The following ZNF681 variants were observed in gnomAD, a reference collection of about 807,000 sequenced individuals.
ZNF681 encodes the protein hypothetical protein FLJ31526.
Under a neutral mutation model 56.0 loss-of-function variants are expected in ZNF681, and 37 were observed. The ratio of observed to expected loss-of-function variants is 0.66; its 90% CI spans 0.51 to 0.87. ZNF681 has a LOEUF of 0.87. ZNF681 is among the 40% of genes least tolerant of loss of function. The pLI is 0.00. For synonymous variants in ZNF681, 225 were observed against 248.6 expected (o/e 0.91, Z 0.89); for missense variants, 741 against 744.9 (o/e 0.99, Z 0.06).
chr19:23,745,469 CT>C, intron 3 of ZNF681, 146 bp from the exon 4 acceptor site: 1 of 531,554 alleles, frequency 1.9e-6, no homozygotes, highest in Non-Finnish European at 2.8e-6. Context: ...TTTTTTTTTC[CT>C]GAGACGGAGT....
In ZNF681 at chr19:23,742,090, A is replaced by G. The variant is rs191702256; in HGVS notation, c.*1522T>C. ...GGGATAAGTTAAATTTAATGGCATAATAATGCTTCATTGAATGCACGATGG... is the reference window on the plus strand; with the variant it reads ...GGGATAAGTTAAATTTAATGGCATAGTAATGCTTCATTGAATGCACGATGG... On this transcript the variant is annotated 3_prime_UTR_variant, in exon 4 of 4. Coordinates refer to ENST00000402377, the MANE Select transcript of ZNF681 (RefSeq NM_138286.3). 2.6e-5 allele frequency: 4 copies of G among 152,312 alleles called. No homozygotes were observed. The highest frequency in any genetic ancestry group is 2.0e-4 in the Admixed American group (3 of 15,302). 9.4% of individuals were successfully genotyped at this position (152,312 alleles called of 1,614,324 possible). A position where few individuals can be genotyped will look rare whatever the true frequency, so the allele number is the denominator to read the frequency against.
In ZNF681 at chr19:23,743,570, A is replaced by C; in HGVS notation, c.*42T>G. The C allele has an allele frequency of 7.0e-7, 1 of 1,436,460 alleles. No individual in the cohort carries two copies. The allele number at this position is 1,436,460 out of a possible 1,614,324, so 89.0% of individuals were successfully genotyped here. ...GTATGAATTATCTTATGCACAATCA[A>C]GTGTGACAACTTTTAAAGGTTTTGT... On this transcript the variant is annotated 3_prime_UTR_variant, in exon 4 of 4. Transcript: ENST00000402377.
Position 23,758,858 on chromosome 19 carries a change from G to C in ZNF681, c.-109C>G. 1 of 1,490,346 alleles carries C rather than the reference G, an allele frequency of 6.7e-7. No individual in the cohort carries two copies. The allele number at this position is 1,490,346 out of a possible 1,614,324, so 92.3% of individuals were successfully genotyped here. ...GAAGAAGAGGACACAGAGCAGTGAA[G>C]ACGAGACCCGGAGCTCGGGCTGAAG... On this transcript the variant is annotated 5_prime_UTR_variant, in exon 1 of 4. Coordinates refer to ENST00000402377, the MANE Select transcript of ZNF681 (RefSeq NM_138286.3).
At chr19:23,757,681 G>A (rs925269070) in intron 1 of ZNF681, among the ~76,000 whole-genome samples, 1 of 151,986 alleles carries the variant, frequency 6.6e-6, no homozygotes, top group African/African-American at 2.4e-5. Flanking sequence ...CCAAAACTCC[G>A]ATCTCCAAAA....
intron 3 of ZNF681, among the ~76,000 whole-genome samples, chr19:23,750,696 G>C (rs1745692808): frequency 6.6e-6 from 1 of 150,832 alleles, no homozygotes; most frequent in Non-Finnish European, 1.5e-5. Flanking sequence ...ACTAAAATTA[G>C]CCAGGCCTGG....
At chr19:23,746,912 C>T (rs1030584721) in intron 3 of ZNF681, among the ~76,000 whole-genome samples, 1 of 152,078 alleles carries the variant, frequency 6.6e-6, no homozygotes, top group Admixed American at 6.6e-5. Flanking sequence ...TCTCTTGGGG[C>T]CAGAAGTTTG....
intron 3 of ZNF681, among the ~76,000 whole-genome samples, chr19:23,748,563 A>G (rs6511515): frequency 0.98 from 149,008 of 152,274 alleles, 73,000 homozygotes; most frequent in Middle Eastern, 1. Flanking sequence ...CACGGCCCTT[A>G]TTCACTAGAA....
At chr19:23,758,633 G>A (rs1969162981) in intron 1 of ZNF681, 114 bp downstream of exon 1, 12 of 1,540,578 alleles carry the variant, frequency 7.8e-6, no homozygotes, top group Non-Finnish European at 9.0e-7. Flanking sequence ...AGTGGACTGA[G>A]GCCGCCTGGG....
At chr19:23,747,571 C>T (rs1030006436) in intron 3 of ZNF681, among the ~76,000 whole-genome samples, 2 of 137,820 alleles carry the variant, frequency 1.5e-5, no homozygotes, top group African/African-American at 2.7e-5. Flanking sequence ...ACCTGGGAGG[C>T]GGAGCTTGCA....
At chr19:23,748,131 G>GA (rs1474217505) in intron 3 of ZNF681, among the ~76,000 whole-genome samples, 1 of 151,854 alleles carries the variant, frequency 6.6e-6, no homozygotes, top group Non-Finnish European at 1.5e-5. Context: ...GAGCATCAAA[G>GA]AAAAAAGTAA....
chr19:23,740,335 G>C lies in ZNF681; in HGVS notation c.*3277C>G, dbSNP rs559595934. On this transcript the variant is annotated 3_prime_UTR_variant, in exon 4 of 4. Transcript: ENST00000402377. The stretch of plus-strand genomic sequence containing the variant: ...TGTAGCCACAGCACAGCAAAAAGGA[G>C]GGCTGTGATGCATACACAGCTGAAA... 6.6e-6 allele frequency: 1 copy of C among 152,088 alleles called. No individual in the cohort carries two copies. The allele number at this position is 152,088 out of a possible 1,614,324, so 9.4% of individuals were successfully genotyped here.
chr19:23,745,448 A>ATT, intron 3 of ZNF681, 125 bp from the exon 4 acceptor site: 1 of 705,978 alleles, frequency 1.4e-6, no homozygotes, highest in Non-Finnish European at 2.0e-6. Context: ...CAAAGGCCCT[A>ATT]ATTTTTTTTT....
chr19:23,756,647 T>G (rs980450263), intron 1 of ZNF681, among the ~76,000 whole-genome samples: 1 of 150,214 alleles, frequency 6.7e-6, no homozygotes, highest in Non-Finnish European at 1.5e-5. Context: ...AGTCGGGGGG[T>G]GGAGGGACAA....
In ZNF681 at chr19:23,741,416, G is replaced by T. The variant is rs1257948262; in HGVS notation, c.*2196C>A. The T allele has an allele frequency of 1.3e-5, 2 of 152,072 alleles. No individual in the cohort carries two copies. The highest frequency in any genetic ancestry group is 4.8e-5 in the African/African-American group (2 of 41,398). The allele number at this position is 152,072 out of a possible 1,614,324, so 9.4% of individuals were successfully genotyped here. ...GCCAACAACAATTTAATGTACATTT[G>T]AAAACAACTAAAAGTGGCTGGGTGT... On this transcript the variant is annotated 3_prime_UTR_variant, in exon 4 of 4. Coordinates refer to ENST00000402377, the MANE Select transcript of ZNF681 (RefSeq NM_138286.3).
Position 23,744,249 on chromosome 19 carries a change from G to T in ZNF681, c.1301C>A (p.Ser434Tyr), listed in dbSNP as rs1391441038. ...CEKCGKASNQ[S>Y]SNLTEHKNIH... The stretch of plus-strand genomic sequence containing the variant: ...ATTCTTATGTTCAGTAAGGTTTGAG[G>T]ATTGGTTAGAAGCTTTGCCACATTT... Residue 434 changes from serine (S) to tyrosine (Y), a missense_variant, in exon 4 of 4, where the codon TCC (serine) becomes TAC (tyrosine). By Grantham distance (144) the Ser-to-Tyr change is moderately radical. Transcript: ENST00000402377. The T allele has an allele frequency of 6.2e-7, 1 of 1,613,562 alleles. No homozygotes were observed. Among genetic ancestry groups the T allele is most frequent in the African/African-American group, 1.3e-5 (1 of 74,962 alleles).
In ZNF681 at chr19:23,744,629, C is replaced by G; in HGVS notation, c.921G>C (p.Glu307Asp). 2 of 1,595,478 alleles carry G rather than the reference C, an allele frequency of 1.3e-6. No individual in the cohort carries two copies. Among genetic ancestry groups the G allele is most frequent in the Non-Finnish European group, 1.7e-6 (2 of 1,167,058 alleles). The change falls in exon 4 of 4, where the codon GAG (glutamate) becomes GAC (aspartate). Residue 307 changes from glutamate to aspartate, a missense_variant. Physicochemically the swap from Glu to Asp is conservative, Grantham distance 45. Transcript: ENST00000402377. ...LTTHKIIHTR[E>D]KLNEYKECGK... ...CACATTCCTTATATTCATTGAGTTT[C>G]TCTCTGGTATGAATTATCTTATGTG...
chr19:23,743,887 T>G lies in ZNF681; in HGVS notation c.1663A>C (p.Ile555Leu). 1 of 1,601,350 alleles carries G rather than the reference T, an allele frequency of 6.2e-7. No homozygotes were observed. Among genetic ancestry groups the G allele is most frequent in the Middle Eastern group, 1.7e-4 (1 of 6,012 alleles). ...HSSHLATHKVIHTGEKPYQCE... is the reference protein window; with the variant it reads ...HSSHLATHKVLHTGEKPYQCE... ...TGGTAGGGTTTCTCTCCAGTATGAA[T>G]TACCTTATGTGTAGCAAGATGTGAG... The change falls in exon 4 of 4, where the codon ATT (isoleucine) becomes CTT (leucine). Residue 555 changes from isoleucine (I) to leucine (L), a missense_variant. Ile to Leu is a conservative substitution (Grantham distance 5). Coordinates refer to ENST00000402377, the MANE Select transcript of ZNF681 (RefSeq NM_138286.3).
rs190772774 is a variant in ZNF681, at chr19:23,751,712, G to A, written c.226+3111C>T. 3.1e-4 allele frequency among the ~76,000 whole-genome samples: 47 copies of A among 151,666 alleles called. No individual in the cohort carries two copies. The East Asian group carries it at 8.2e-3, about 26-fold the overall frequency. Reference sequence around the variant, plus strand: ...TATTTATTTATTTTTTTGAGATGGAGTCTTGCTCTGTCACCCAGGCTGGAG... The same window carrying A: ...TATTTATTTATTTTTTTGAGATGGAATCTTGCTCTGTCACCCAGGCTGGAG... On this transcript the variant is annotated intron_variant, in intron 3 of 3. Coordinates refer to ENST00000402377, the MANE Select transcript of ZNF681 (RefSeq NM_138286.3).
Position 23,743,833 on chromosome 19 carries a change from G to C in ZNF681, c.1717C>G (p.Gln573Glu), listed in dbSNP as rs1343207632. The C allele has an allele frequency of 6.2e-7, 1 of 1,606,686 alleles. No homozygotes were observed. The highest frequency in any genetic ancestry group is 1.1e-5 in the South Asian group (1 of 90,542). ...TTATGTCTAGTAAGGTGTGAGGACTGGTTAAAGGCTTTACCACATTCTTCA... is the reference window on the plus strand; with the variant it reads ...TTATGTCTAGTAAGGTGTGAGGACTCGTTAAAGGCTTTACCACATTCTTCA... ...QCEECGKAFN[Q>E]SSHLTRHKRI... Residue 573 changes from glutamine (Q) to glutamate (E), a missense_variant, in exon 4 of 4, where the codon CAG becomes GAG. Transcript: ENST00000402377.
Sources: allele counts gnomAD v4.1 joint callset (sites outside exome capture counted in the v4.1 genomes callset), GRCh38; gene constraint gnomAD v4.1.1; transcripts MANE v1.5; gene names NCBI Gene and HGNC (gene_info 2026-07-23, HGNC 2026-07-21).